Variants in SMPX observed in about 807,000 individuals in gnomAD.
SMPX encodes small muscular protein.
In SMPX, 2 loss-of-function variants were observed where a neutral mutation model predicts 6.3. That is an observed-to-expected ratio of 0.32 (90% CI 0.13 to 0.99). The LOEUF (loss-of-function observed/expected upper bound fraction) is 0.99, where lower values mean the gene tolerates loss of function less well. Ranked by LOEUF, SMPX falls within the 50% of genes least tolerant of loss-of-function variation. SMPX has a pLI of 0.49. For missense variants in SMPX, 60 were observed against 66.8 expected, an observed-to-expected ratio of 0.90 and a Z score of 0.36; for synonymous variants, 32 against 24.7, an observed-to-expected ratio of 1.30 and a Z score of -0.88.
chrX:21,713,823 T>C (rs1490362299), intron 4 of SMPX, among the ~76,000 whole-genome samples: 1 of 112,269 alleles, frequency 8.9e-6, no homozygotes, highest in Non-Finnish European at 1.9e-5. Context: ...GAAATATACC[T>C]GTAGTGTACC....
At chrX:21,738,595 A>G (rs2092813056) in intron 3 of SMPX, among the ~76,000 whole-genome samples, 1 of 111,070 alleles carries the variant, frequency 9.0e-6, no homozygotes, top group Admixed American at 9.6e-5. Context: ...TCACCGTGGC[A>G]GCCTTGAGAA....
chrX:21,731,830 T>TTTTATA (rs1305473992), intron 4 of SMPX, among the ~76,000 whole-genome samples: 234 of 99,020 alleles, frequency 2.4e-3, no homozygotes, highest in African/African-American at 8.2e-3. Flanking sequence ...TATATACACA[T>TTTTATA]TATATATATA....
At chrX:21,728,232 CT>C (rs2092799450) in intron 4 of SMPX, among the ~76,000 whole-genome samples, 1 of 30,837 alleles carries the variant, frequency 3.2e-5, no homozygotes, top group Non-Finnish European at 5.5e-5. Flanking sequence ...CTCTCTCTCT[CT>C]CTCTCTCTCT....
chrX:21,730,504 T>C (rs1395471765), intron 4 of SMPX, among the ~76,000 whole-genome samples: 1 of 112,293 alleles, frequency 8.9e-6, no homozygotes, highest in Non-Finnish European at 1.9e-5. Context: ...TGCCTGGAGA[T>C]ACTTTTAAAA....
intron 4 of SMPX, among the ~76,000 whole-genome samples, chrX:21,720,547 C>T (rs1217606966): frequency 8.9e-6 from 1 of 112,827 alleles, no homozygotes; most frequent in African/African-American, 3.2e-5. Flanking sequence ...ATAACTAATA[C>T]AGCTGCCTTA....
At position 21,733,400 on chromosome X, in the gene SMPX, A is replaced by G. The variant is rs1173000001; in HGVS notation, c.*14+4149T>C. Among the ~76,000 whole-genome samples, 2 of 112,400 alleles carry G rather than the reference A, an allele frequency of 1.8e-5. 1 individual carries two copies. The highest frequency in any genetic ancestry group is 1.9e-4 in the Admixed American group (2 of 10,630). ...TAATTCCATAGATTCTCACGTCTCTACACAACCAAAACCTACTAAGTGAGC... is the reference window on the plus strand; with the variant it reads ...TAATTCCATAGATTCTCACGTCTCTGCACAACCAAAACCTACTAAGTGAGC... On this transcript the variant is annotated intron_variant, in intron 4 of 4. Coordinates refer to ENST00000379494, the MANE Select transcript of SMPX (RefSeq NM_014332.3).
chrX:21,734,529 C>T (rs2092808461), intron 4 of SMPX, among the ~76,000 whole-genome samples: 1 of 111,859 alleles, frequency 8.9e-6, no homozygotes, highest in Non-Finnish European at 1.9e-5. Context: ...CTTAAGTCAC[C>T]ATCTGGCTAC....
chrX:21,731,149 T>A (rs1164968455), intron 4 of SMPX, among the ~76,000 whole-genome samples: 1 of 110,821 alleles, frequency 9.0e-6, no homozygotes, highest in Non-Finnish European at 1.9e-5. Flanking sequence ...TTTAGAAGCA[T>A]GTTGTTTAAG....
intron 4 of SMPX, among the ~76,000 whole-genome samples, chrX:21,719,028 AGTGT>A (rs1472522941): frequency 2.7e-5 from 3 of 111,947 alleles, no homozygotes; most frequent in Admixed American, 1.9e-4. Context: ...TGTTGGCCTG[AGTGT>A]GTGTGTGTTT....
intron 2 of SMPX, 126 bp from the exon 3 acceptor site, chrX:21,743,962 G>A (rs907687405): frequency 3.9e-6 from 2 of 518,476 alleles, no homozygotes; most frequent in African/African-American, 4.6e-5. Context: ...TTTATCTCAG[G>A]AAAATTGCTG....
At chrX:21,714,318 A>G (rs973828465) in intron 4 of SMPX, among the ~76,000 whole-genome samples, 10 of 111,846 alleles carry the variant, frequency 8.9e-5, no homozygotes, top group African/African-American at 2.6e-4. Flanking sequence ...AATTTACTCA[A>G]TCATTGAAGC....
chrX:21,715,308 GCACGCGCGCGCGCT>G (rs1433134397), intron 4 of SMPX, among the ~76,000 whole-genome samples: 2 of 105,392 alleles, frequency 1.9e-5, no homozygotes, highest in African/African-American at 7.7e-5. Context: ...GTGTGTGCGC[GCACGCGCGCGCGCT>G]CGCGCGCTGG....
intron 4 of SMPX, among the ~76,000 whole-genome samples, chrX:21,715,310 A>ACGCGCG (rs747497147): frequency 2.3e-5 from 2 of 87,313 alleles, no homozygotes; most frequent in Admixed American, 1.4e-4. Flanking sequence ...GTGTGCGCGC[A>ACGCGCG]CGCGCGCGCG....
chrX:21,737,320 G>C (rs1281959649), intron 4 of SMPX, among the ~76,000 whole-genome samples: 2 of 111,627 alleles, frequency 1.8e-5, no homozygotes, highest in Non-Finnish European at 3.8e-5. Flanking sequence ...AGGATGATCA[G>C]AAAGAGAATG....
At chrX:21,721,943 T>C (rs1345031611) in intron 4 of SMPX, among the ~76,000 whole-genome samples, 1 of 110,803 alleles carries the variant, frequency 9.0e-6, no homozygotes, top group African/African-American at 3.3e-5. Context: ...AGGAGGATCT[T>C]TTGAACTCAG....
intron 4 of SMPX, among the ~76,000 whole-genome samples, chrX:21,713,676 T>A (rs1015894176): frequency 8.9e-6 from 1 of 111,898 alleles, no homozygotes; most frequent in Non-Finnish European, 1.9e-5. Flanking sequence ...TATCTCCCAC[T>A]GGGTCCCTCC....
chrX:21,740,207 T>C (rs892455397), intron 3 of SMPX, among the ~76,000 whole-genome samples: 1 of 112,338 alleles, frequency 8.9e-6, no homozygotes, highest in African/African-American at 3.2e-5. Flanking sequence ...CCATTTATAT[T>C]ATGAATTTGT....
intron 4 of SMPX, among the ~76,000 whole-genome samples, chrX:21,708,889 A>T (rs964984086): frequency 2.7e-5 from 3 of 112,448 alleles, no homozygotes; most frequent in Non-Finnish European, 5.6e-5. Context: ...TAGCCACCTC[A>T]TATAAGTGGA....
At chrX:21,753,157 A>C (rs181964814) in intron 2 of SMPX, among the ~76,000 whole-genome samples, 1 of 112,208 alleles carries the variant, frequency 8.9e-6, no homozygotes, top group African/African-American at 3.2e-5. Flanking sequence ...TGCAGAGTGG[A>C]ATCCTTGCCA....
Sources: allele counts gnomAD v4.1 joint callset (sites outside exome capture counted in the v4.1 genomes callset), GRCh38; gene constraint gnomAD v4.1.1; transcripts MANE v1.5; gene names NCBI Gene and HGNC (gene_info 2026-07-23, HGNC 2026-07-21).